ZNF385B: variants seen among roughly 807,000 people sequenced by gnomAD.
ZNF385B encodes the protein zinc finger protein 385B.
Under a neutral mutation model 39.2 loss-of-function variants are expected in ZNF385B, and 23 were observed. That is an observed-to-expected ratio of 0.59 (90% confidence interval 0.42 to 0.83). The LOEUF is 0.83. ZNF385B is among the 40% of genes least tolerant of loss of function. ZNF385B has a pLI of 0.00. For synonymous variants in ZNF385B, 205 were observed against 222.6 expected, an observed-to-expected ratio of 0.92 and a Z score of 0.70; for missense variants, 552 against 598.9, an observed-to-expected ratio of 0.92 and a Z score of 0.82.
chr2:179,499,684 T>C (rs1574468496), intron 5 of ZNF385B, among the ~76,000 whole-genome samples: 1 of 152,022 alleles, frequency 6.6e-6, no homozygotes, highest in South Asian at 2.1e-4. Flanking sequence ...GCTAGTATTA[T>C]ACTGAATGGG....
chr2:179,854,565 G>A (rs911793236), intron 1 of ZNF385B, among the ~76,000 whole-genome samples: 6 of 152,092 alleles, frequency 3.9e-5, no homozygotes, highest in Non-Finnish European at 7.4e-5. Flanking sequence ...CTGAGCCCTG[G>A]CTTGAAATCA....
At chr2:179,552,286 A>G (rs1367059906) in intron 3 of ZNF385B, among the ~76,000 whole-genome samples, 1 of 149,352 alleles carries the variant, frequency 6.7e-6, no homozygotes, top group African/African-American at 2.5e-5. Context: ...AAGCAAAGAA[A>G]ACACCTCATT....
chr2:179,758,902 A>G (rs895004006), intron 3 of ZNF385B, among the ~76,000 whole-genome samples: 3 of 152,192 alleles, frequency 2.0e-5, no homozygotes, highest in Non-Finnish European at 4.4e-5. Context: ...ATCATAATTA[A>G]AAAAACATTG....
intron 3 of ZNF385B, chr2:179,637,422 T>A (rs925037984): frequency 1.3e-5 from 2 of 152,114 alleles, no homozygotes; most frequent in Non-Finnish European, 2.9e-5. Flanking sequence ...AGCTTTGACT[T>A]TTCCTTATGC....
chr2:179,682,936 A>T (rs927527422), intron 3 of ZNF385B, among the ~76,000 whole-genome samples: 2 of 152,132 alleles, frequency 1.3e-5, no homozygotes, highest in Non-Finnish European at 2.9e-5. Context: ...GGCTATGCAA[A>T]TTCCCAGCTT....
At chr2:179,704,084 T>C (rs1388292533) in intron 3 of ZNF385B, among the ~76,000 whole-genome samples, 1 of 152,198 alleles carries the variant, frequency 6.6e-6, no homozygotes, top group Non-Finnish European at 1.5e-5. Flanking sequence ...AAGTCATTAG[T>C]ATAAGAATGT....
At chr2:179,584,866 T>A (rs1055622413) in intron 3 of ZNF385B, among the ~76,000 whole-genome samples, 5 of 152,010 alleles carry the variant, frequency 3.3e-5, no homozygotes, top group African/African-American at 1.2e-4. Flanking sequence ...AGGGAGAGTG[T>A]AGTGTTTGAA....
chr2:179,683,140 C>G (rs1251771858), intron 3 of ZNF385B, among the ~76,000 whole-genome samples: 1 of 152,116 alleles, frequency 6.6e-6, no homozygotes, highest in Non-Finnish European at 1.5e-5. Context: ...GTTATCCCAG[C>G]ACTTTGGGAG....
intron 6 of ZNF385B, among the ~76,000 whole-genome samples, chr2:179,461,917 G>A (rs981459311): frequency 6.6e-6 from 1 of 152,070 alleles, no homozygotes; most frequent in African/African-American, 2.4e-5. Flanking sequence ...GATACCTGTT[G>A]ACATCTTCTG....
chr2:179,718,857 T>G (rs940008040), intron 3 of ZNF385B, among the ~76,000 whole-genome samples: 2 of 151,490 alleles, frequency 1.3e-5, no homozygotes, highest in Non-Finnish European at 1.5e-5. Flanking sequence ...AAGCCAAATT[T>G]CTATTTTCAT....
intron 1 of ZNF385B, among the ~76,000 whole-genome samples, chr2:179,856,683 A>G (rs894531402): frequency 3.9e-5 from 6 of 152,100 alleles, no homozygotes; most frequent in South Asian, 2.1e-4. Context: ...ACAATCCGCA[A>G]TCTGCAAATA....
At chr2:179,490,434 T>A (rs139354116) in intron 5 of ZNF385B, among the ~76,000 whole-genome samples, 1,906 of 152,234 alleles carry the variant, frequency 0.013, 16 homozygotes, top group Non-Finnish European at 0.019. Context: ...AATTAATTTT[T>A]CAAATGTGTT....
At chr2:179,495,017 A>C (rs145312535) in intron 5 of ZNF385B, among the ~76,000 whole-genome samples, 95 of 152,264 alleles carry the variant, frequency 6.2e-4, no homozygotes, top group African/African-American at 2.1e-3. Context: ...TGCACCTTAG[A>C]TATCAGCACG....
intron 3 of ZNF385B, among the ~76,000 whole-genome samples, chr2:179,670,543 A>G (rs1190871561): frequency 6.6e-6 from 1 of 152,154 alleles, no homozygotes; most frequent in African/African-American, 2.4e-5. Flanking sequence ...ACTCACTTTG[A>G]AATACAATTC....
intron 5 of ZNF385B, among the ~76,000 whole-genome samples, chr2:179,494,011 A>C (rs2055876420): frequency 6.6e-6 from 1 of 151,408 alleles, no homozygotes; most frequent in Non-Finnish European, 1.5e-5. Context: ...TTTTATATAT[A>C]TATTAGTGTT....
intron 1 of ZNF385B, among the ~76,000 whole-genome samples, chr2:179,817,333 C>T (rs1455537484): frequency 6.6e-6 from 1 of 152,078 alleles, no homozygotes; most frequent in Non-Finnish European, 1.5e-5. Context: ...CCCATTTCAC[C>T]CTGTAGACTC....
Position 179,822,492 on chromosome 2 carries a change from T to C in ZNF385B, c.-155+38609A>G, listed in dbSNP as rs16867019. ...ATTATCAGCAGCAACAGCAGCAACA[T>C]AGACCTTGGTGGTCAACAGAGTCTG... On this transcript the variant is annotated intron_variant, in intron 1 of 9. Coordinates refer to ENST00000410066, the MANE Select transcript of ZNF385B (RefSeq NM_152520.6). Among the ~76,000 whole-genome samples, 1,363 of 152,318 alleles carry C rather than the reference T, an allele frequency of 8.9e-3. 23 individuals carry two copies. Among genetic ancestry groups the C allele is most frequent in the South Asian group, 0.083 (401 of 4,830 alleles).
In ZNF385B at chr2:179,555,486, T is replaced by C. The variant is rs1470250311; in HGVS notation, c.299-10517A>G. 2.0e-5 allele frequency among the ~76,000 whole-genome samples: 3 copies of C among 149,556 alleles called. 1 individual carries two copies. The highest frequency in any genetic ancestry group is 7.6e-5 in the African/African-American group (3 of 39,704). ...CACTTATGTGCACTTTTCTGTATGT[T>C]ATAAATGAGCAGAATTTTTAAAAAA... On this transcript the variant is annotated intron_variant, in intron 3 of 9. Transcript: ENST00000410066.
chr2:179,861,369 C>CT lies in ZNF385B; in HGVS notation c.-424_-423insA, dbSNP rs1685054152. ...CTTAAGCGCCCGGCCGCTGCCCCCG[C>CT]GCTGAGCGCCTGCGCACCGGGCCTC... On this transcript the variant is annotated 5_prime_UTR_variant, in exon 1 of 10. Transcript: ENST00000410066. 6.7e-6 allele frequency: 1 copy of CT among 150,282 alleles called. No homozygotes were observed. The highest frequency in any genetic ancestry group is 2.4e-5 in the African/African-American group (1 of 41,248). The allele number at this position is 150,282 out of a possible 1,614,324, so 9.3% of individuals were successfully genotyped here. A position where few individuals can be genotyped will look rare whatever the true frequency, so the allele number is the denominator to read the frequency against.
Sources: allele counts gnomAD v4.1 joint callset (sites outside exome capture counted in the v4.1 genomes callset), GRCh38; gene constraint gnomAD v4.1.1; transcripts MANE v1.5; gene names NCBI Gene and HGNC (gene_info 2026-07-23, HGNC 2026-07-21).